Variants in CYRIB observed in about 807,000 individuals in gnomAD.
The protein encoded by CYRIB is CYFIP-related Rac1 interactor B.
A neutral mutation model predicts 44.2 loss-of-function variants in CYRIB; 8 were observed. The ratio of observed to expected loss-of-function variants is 0.18; its 90% CI spans 0.11 to 0.33. The LOEUF (loss-of-function observed/expected upper bound fraction) is 0.33, where lower values mean the gene tolerates loss of function less well. CYRIB is among the 10% of genes least tolerant of loss of function. The probability of loss-of-function intolerance (pLI) is 1.00; values close to 1 mark genes in which losing one functional copy is unlikely to be tolerated. For missense variants in CYRIB, 185 were observed against 382.8 expected, an observed-to-expected ratio of 0.48 and a Z score of 4.31; for synonymous variants, 131 against 127.2, an observed-to-expected ratio of 1.03 and a Z score of -0.20.
At chr8:129,990,776 A>G (rs1404062976) in intron 1 of CYRIB, among the ~76,000 whole-genome samples, 1 of 151,984 alleles carries the variant, frequency 6.6e-6, no homozygotes. Flanking sequence ...CTCCCACCTC[A>G]GCCTCCCAAG....
At chr8:129,875,299 C>A (rs1287384498) in intron 3 of CYRIB, among the ~76,000 whole-genome samples, 1 of 151,416 alleles carries the variant, frequency 6.6e-6, no homozygotes, top group Admixed American at 6.6e-5. Context: ...CAGTTTCACT[C>A]TGCTACTCAA....
chr8:129,849,278 G>T, exon 10 of CYRIB: 1 of 1,608,854 alleles, frequency 6.2e-7, no homozygotes, highest in Non-Finnish European at 8.5e-7. Context: ...GCTCCCACTG[G>T]ATGTACGTGG....
At chr8:129,983,025 A>C (rs1003644620) in intron 1 of CYRIB, among the ~76,000 whole-genome samples, 3 of 151,962 alleles carry the variant, frequency 2.0e-5, no homozygotes, top group African/African-American at 4.8e-5. Context: ...AAAAAAAAAA[A>C]ACACCCTTGG....
chr8:129,987,236 A>G (rs1210163882), intron 1 of CYRIB, among the ~76,000 whole-genome samples: 1 of 152,246 alleles, frequency 6.6e-6, no homozygotes, highest in Non-Finnish European at 1.5e-5. Flanking sequence ...TGGATCAGCC[A>G]TGCCTAACCA....
chr8:130,014,671 C>T (rs2097302197), intron 1 of CYRIB, among the ~76,000 whole-genome samples: 1 of 152,204 alleles, frequency 6.6e-6, no homozygotes, highest in Non-Finnish European at 1.5e-5. Context: ...AGGGCAGAAA[C>T]ATATATTGGC....
chr8:129,904,985 G>C (rs1048144744), intron 1 of CYRIB, among the ~76,000 whole-genome samples: 17 of 152,080 alleles, frequency 1.1e-4, no homozygotes, highest in Non-Finnish European at 1.9e-4. Flanking sequence ...AAAAATACAG[G>C]TGATACAGAG....
At chr8:129,842,102 T>G (rs774950285) in exon 12 of CYRIB, 32 of 1,471,528 alleles carry the variant, frequency 2.2e-5, no homozygotes, top group Non-Finnish European at 2.9e-5. Flanking sequence ...CATTGCAGAA[T>G]ACTGTCTTCT....
chr8:129,905,671 C>T (rs565202763), intron 1 of CYRIB, among the ~76,000 whole-genome samples: 22 of 152,156 alleles, frequency 1.4e-4, no homozygotes, highest in Non-Finnish European at 2.5e-4. Flanking sequence ...CCACTGCAGG[C>T]TCCCAGAAAT....
At chr8:129,866,356 T>C (rs1333664369) in intron 4 of CYRIB, among the ~76,000 whole-genome samples, 1 of 152,230 alleles carries the variant, frequency 6.6e-6, no homozygotes, top group Non-Finnish European at 1.5e-5. Flanking sequence ...ATTTGCTGGC[T>C]TTAATTTAAA....
chr8:129,940,017 G>T (rs2093550556), upstream of CYRIB: 1 of 152,206 alleles, frequency 6.6e-6, no homozygotes. Context: ...GGCGTGCAGA[G>T]GAAGGAGGCG....
intron 1 of CYRIB, among the ~76,000 whole-genome samples, chr8:129,911,550 C>T (rs1563810048): frequency 6.6e-6 from 1 of 151,884 alleles, no homozygotes. Flanking sequence ...ACCTGTAATC[C>T]CAGCACTTTG....
intron 1 of CYRIB, among the ~76,000 whole-genome samples, chr8:129,979,869 C>T (rs1285605028): frequency 3.9e-5 from 6 of 152,038 alleles, no homozygotes; most frequent in Non-Finnish European, 8.8e-5. Flanking sequence ...TGCAATGAGC[C>T]GAGATCACGC....
chr8:129,844,942 C>T (rs1423966253), intron 11 of CYRIB, among the ~76,000 whole-genome samples: 1 of 152,164 alleles, frequency 6.6e-6, no homozygotes, highest in Non-Finnish European at 1.5e-5. Context: ...CCAAGTCAGA[C>T]CTGATTTTGT....
At chr8:129,842,262 G>A (rs1366747979) in intron 11 of CYRIB, 57 bp from the exon 14 acceptor site, 18 of 1,241,044 alleles carry the variant, frequency 1.5e-5, no homozygotes, top group Non-Finnish European at 2.1e-5. Context: ...AATCAGCATC[G>A]GGTTCTCTAA....
At chr8:129,914,837 G>T (rs2079878457) in intron 1 of CYRIB, among the ~76,000 whole-genome samples, 1 of 152,168 alleles carries the variant, frequency 6.6e-6, no homozygotes, top group African/African-American at 2.4e-5. Flanking sequence ...AGAACTGCCT[G>T]TATACACAAC....
intron 2 of CYRIB, among the ~76,000 whole-genome samples, chr8:129,952,793 G>T (rs540473286): frequency 3.2e-4 from 48 of 152,270 alleles, no homozygotes; most frequent in African/African-American, 1.2e-3. Context: ...AGAAAGAAAA[G>T]TGAGTAGATA....
At chr8:129,935,197 T>C (rs1200909069) in intron 1 of CYRIB, among the ~76,000 whole-genome samples, 2 of 152,234 alleles carry the variant, frequency 1.3e-5, no homozygotes, top group East Asian at 3.8e-4. Context: ...GCAAGTGTTT[T>C]CTGAAAATGC....
chr8:129,919,105 T>C (rs1480765113), intron 1 of CYRIB, among the ~76,000 whole-genome samples: 1 of 152,158 alleles, frequency 6.6e-6, no homozygotes, highest in Non-Finnish European at 1.5e-5. Context: ...TGGCCTCCAG[T>C]GATTGGCCTC....
At chr8:129,860,726 G>T (rs545654251) in intron 5 of CYRIB, among the ~76,000 whole-genome samples, 1 of 151,906 alleles carries the variant, frequency 6.6e-6, no homozygotes, top group Non-Finnish European at 1.5e-5. Flanking sequence ...AATATAGTAA[G>T]ATATTAAAAA....
Sources: allele counts gnomAD v4.1 joint callset (sites outside exome capture counted in the v4.1 genomes callset), GRCh38; gene constraint gnomAD v4.1.1; transcripts MANE v1.5; gene names NCBI Gene and HGNC (gene_info 2026-07-23, HGNC 2026-07-21).